CDH20: variants seen among roughly 807,000 people sequenced by gnomAD.
CDH20 encodes cadherin-20.
A neutral mutation model predicts 74.2 loss-of-function variants in CDH20; 29 were observed. The observed-to-expected ratio is 0.39, with a 90% CI of 0.29 to 0.53. CDH20 has a LOEUF of 0.53. Among genes scored for constraint, CDH20 ranks in the 20% least tolerant of loss-of-function variants. The pLI is 0.69. For synonymous variants in CDH20, 469 were observed against 405.4 expected, an observed-to-expected ratio of 1.16 and a Z score of -1.88; for missense variants, 988 against 1,048.3, an observed-to-expected ratio of 0.94 and a Z score of 0.79.
At chr18:61,427,338 T>C (rs1328137719) in intron 1 of CDH20, among the ~76,000 whole-genome samples, 1 of 152,192 alleles carries the variant, frequency 6.6e-6, no homozygotes, top group Non-Finnish European at 1.5e-5. Flanking sequence ...GTCTTTATCA[T>C]AACCCATTTT....
Position 61,501,331 on chromosome 18 carries a change from G to T in CDH20, c.661+829G>T, listed in dbSNP as rs1173026942. On this transcript the variant is annotated intron_variant, in intron 4 of 11. Coordinates refer to ENST00000262717, the MANE Select transcript of CDH20 (RefSeq NM_031891.4). ...ATTTAATATGTTTGAGCTTGGCAAA[G>T]TTATTGTGATATCATTATTATCTTA... Among the ~76,000 whole-genome samples, 4 of 152,038 alleles carry T rather than the reference G, an allele frequency of 2.6e-5. No homozygotes were observed. The East Asian group carries it at 7.7e-4, about 29-fold the overall frequency.
intron 5 of CDH20, 118 bp downstream of exon 5, chr18:61,503,238 C>T: frequency 1.4e-6 from 1 of 697,738 alleles, no homozygotes. Flanking sequence ...CCATAGATTC[C>T]TTTCTTACAT....
At chr18:61,506,452 C>A (rs888169447) in intron 5 of CDH20, among the ~76,000 whole-genome samples, 17 of 152,276 alleles carry the variant, frequency 1.1e-4, no homozygotes, top group African/African-American at 2.9e-4. Context: ...AGCCCTCACA[C>A]CTGAGGCTAT....
At chr18:61,538,763 C>T (rs1389446775) in intron 8 of CDH20, among the ~76,000 whole-genome samples, 4 of 151,270 alleles carry the variant, frequency 2.6e-5, no homozygotes, top group Admixed American at 1.3e-4. Flanking sequence ...GGACTACAGG[C>T]GCCCGCCACC....
At position 61,490,463 on chromosome 18, in the gene CDH20, A is replaced by G; in HGVS notation, c.-91A>G. 1.2e-5 allele frequency: 16 copies of G among 1,332,814 alleles called. No homozygotes were observed. Among genetic ancestry groups the G allele is most frequent in the South Asian group, 1.3e-5 (1 of 75,734 alleles). 82.6% of individuals were successfully genotyped at this position (1,332,814 alleles called of 1,614,324 possible). On this transcript the variant is annotated 5_prime_UTR_variant, in exon 2 of 12. Transcript: ENST00000262717. ...CTCATTTAGGAAGCATAAGTGTCCAATCAAAAACTGTGTATTTTTTTAAAT... is the reference window on the plus strand; with the variant it reads ...CTCATTTAGGAAGCATAAGTGTCCAGTCAAAAACTGTGTATTTTTTTAAAT...
At chr18:61,492,651 C>G (rs555691565) in intron 2 of CDH20, among the ~76,000 whole-genome samples, 3 of 152,216 alleles carry the variant, frequency 2.0e-5, no homozygotes, top group Non-Finnish European at 4.4e-5. Flanking sequence ...ACTGCCTTTA[C>G]TGCTCCCCCA....
At chr18:61,533,049 G>A (rs1023601635) in intron 7 of CDH20, among the ~76,000 whole-genome samples, 4 of 152,140 alleles carry the variant, frequency 2.6e-5, no homozygotes, top group Admixed American at 1.3e-4. Flanking sequence ...GGGAGATTGA[G>A]GCAGGAAAAT....
At chr18:61,389,257 A>T (rs1911695939) in intron 1 of CDH20, among the ~76,000 whole-genome samples, 1 of 152,200 alleles carries the variant, frequency 6.6e-6, no homozygotes, top group Non-Finnish European at 1.5e-5. Context: ...CAATTGGCTC[A>T]TTTTACAACG....
chr18:61,376,925 C>T (rs1168260821), intron 1 of CDH20, among the ~76,000 whole-genome samples: 1 of 152,090 alleles, frequency 6.6e-6, no homozygotes, highest in Non-Finnish European at 1.5e-5. Flanking sequence ...CTGAAGGATT[C>T]TTCTGCTGTT....
rs11872997 is a variant in CDH20, at chr18:61,489,098, C to T, written c.-152-1304C>T. 8.9e-3 allele frequency among the ~76,000 whole-genome samples: 1,358 copies of T among 152,358 alleles called. 25 individuals are homozygous for T. Among genetic ancestry groups the T allele is most frequent in the African/African-American group, 0.031 (1,284 of 41,590 alleles). On this transcript the variant is annotated intron_variant, in intron 1 of 11. Coordinates refer to ENST00000262717, the MANE Select transcript of CDH20 (RefSeq NM_031891.4). The stretch of plus-strand genomic sequence containing the variant: ...AGCCTCCCATTCTGCTACAAAAATT[C>T]TATAGTCTCCTCAGCTACTTTCTCT...
intron 6 of CDH20, among the ~76,000 whole-genome samples, chr18:61,521,177 G>A (rs1912193671): frequency 6.6e-6 from 1 of 150,952 alleles, no homozygotes; most frequent in Non-Finnish European, 1.5e-5. Flanking sequence ...TAGATTGCTA[G>A]CCACACTAAT....
At chr18:61,442,253 A>G (rs1281495565) in intron 1 of CDH20, among the ~76,000 whole-genome samples, 1 of 151,660 alleles carries the variant, frequency 6.6e-6, no homozygotes, top group African/African-American at 2.4e-5. Context: ...TGGGAGACTG[A>G]GGCAGGAGGA....
chr18:61,377,658 T>A (rs892760500), intron 1 of CDH20, among the ~76,000 whole-genome samples: 1 of 152,148 alleles, frequency 6.6e-6, no homozygotes, highest in Non-Finnish European at 1.5e-5. Flanking sequence ...CTTTTTTTAG[T>A]AAATGGAGTT....
At chr18:61,342,677 C>T (rs1909990412) in intron 1 of CDH20, among the ~76,000 whole-genome samples, 1 of 152,160 alleles carries the variant, frequency 6.6e-6, no homozygotes, top group African/African-American at 2.4e-5. Flanking sequence ...AATCCAGAAG[C>T]AAAAGTACCC....
At chr18:61,466,446 C>T (rs888773432) in intron 1 of CDH20, among the ~76,000 whole-genome samples, 6 of 152,144 alleles carry the variant, frequency 3.9e-5, no homozygotes, top group East Asian at 1.9e-4. Context: ...GTTCTAGTCA[C>T]GCAGAGTTAC....
intron 1 of CDH20, among the ~76,000 whole-genome samples, chr18:61,368,775 T>C (rs1159126040): frequency 1.3e-5 from 2 of 150,174 alleles, no homozygotes; most frequent in African/African-American, 2.5e-5. Flanking sequence ...TTTTCTCAAA[T>C]GTCAAAAACA....
At chr18:61,351,488 A>T (rs1168183647) in intron 1 of CDH20, among the ~76,000 whole-genome samples, 1 of 152,228 alleles carries the variant, frequency 6.6e-6, no homozygotes, top group Non-Finnish European at 1.5e-5. Context: ...CAAAAGAATT[A>T]CATTTGATTA....
chr18:61,379,073 GT>G (rs1911346724), intron 1 of CDH20, among the ~76,000 whole-genome samples: 1 of 151,928 alleles, frequency 6.6e-6, no homozygotes. Flanking sequence ...CTACAATTAG[GT>G]TTTTCCCCTT....
intron 1 of CDH20, among the ~76,000 whole-genome samples, chr18:61,452,676 C>A (rs1488636322): frequency 1.3e-5 from 2 of 151,396 alleles, no homozygotes; most frequent in Admixed American, 6.6e-5. Flanking sequence ...AAATATGCAC[C>A]AGTCTTTGAA....
Sources: allele counts gnomAD v4.1 joint callset (sites outside exome capture counted in the v4.1 genomes callset), GRCh38; gene constraint gnomAD v4.1.1; transcripts MANE v1.5; gene names NCBI Gene and HGNC (gene_info 2026-07-23, HGNC 2026-07-21).